CSMD3: variants seen among roughly 807,000 people sequenced by gnomAD.
The protein encoded by CSMD3 is CUB and Sushi multiple domains 3.
In CSMD3, 177 loss-of-function variants were observed where a neutral mutation model predicts 435.2. The observed-to-expected ratio is 0.41, with a 90% CI of 0.36 to 0.46. The LOEUF (loss-of-function observed/expected upper bound fraction) is 0.46. CSMD3 is among the 20% of genes least tolerant of loss of function. CSMD3 has a pLI of 0.34. For synonymous variants in CSMD3, 1,656 were observed against 1,520.5 expected (o/e 1.09, Z -2.07); for missense variants, 4,265 against 4,504.6 (o/e 0.95, Z 1.52).
chr8:113,103,822 A>C (rs2090397529), intron 4 of CSMD3, among the ~76,000 whole-genome samples: 1 of 152,138 alleles, frequency 6.6e-6, no homozygotes, highest in Admixed American at 6.5e-5. Flanking sequence ...GATTAGTTGT[A>C]TTAAAGTGAA....
intron 1 of CSMD3, among the ~76,000 whole-genome samples, chr8:113,411,002 A>G (rs908661398): frequency 6.6e-6 from 1 of 151,678 alleles, no homozygotes; most frequent in African/African-American, 2.4e-5. Flanking sequence ...GAAAGAAAGA[A>G]AGAAAAGAAA....
chr8:112,962,851 G>C (rs939446001), intron 7 of CSMD3, among the ~76,000 whole-genome samples: 1 of 151,898 alleles, frequency 6.6e-6, no homozygotes, highest in African/African-American at 2.4e-5. Flanking sequence ...GATCTGAATG[G>C]CTACATCCTT....
chr8:112,373,649 A>C (rs1227467553), intron 38 of CSMD3, among the ~76,000 whole-genome samples: 1 of 152,186 alleles, frequency 6.6e-6, no homozygotes, highest in African/African-American at 2.4e-5. Context: ...GTATCTAGTT[A>C]TTAAAATCTG....
At chr8:112,510,673 T>A (rs181297885) in intron 28 of CSMD3, among the ~76,000 whole-genome samples, 1 of 152,190 alleles carries the variant, frequency 6.6e-6, no homozygotes. Context: ...ATTACTAATA[T>A]GTAATATTAA....
intron 54 of CSMD3, among the ~76,000 whole-genome samples, chr8:112,295,084 A>G (rs1489908172): frequency 1.3e-5 from 2 of 152,132 alleles, no homozygotes; most frequent in Non-Finnish European, 2.9e-5. Flanking sequence ...CCCAGAGTTC[A>G]TGATATCATT....
intron 65 of CSMD3, among the ~76,000 whole-genome samples, chr8:112,243,844 G>T (rs1279343017): frequency 6.6e-6 from 1 of 152,032 alleles, no homozygotes; most frequent in African/African-American, 2.4e-5. Context: ...ACAAGGACTG[G>T]TATCCTCATA....
At chr8:113,218,410 T>C (rs77427754) in intron 3 of CSMD3, among the ~76,000 whole-genome samples, 3,591 of 150,214 alleles carry the variant, frequency 0.024, 70 homozygotes, top group Non-Finnish European at 0.038. Context: ...ACAAAGCAAT[T>C]ATTTTTGTTC....
chr8:112,472,476 T>C (rs1818618627), intron 32 of CSMD3, 115 bp downstream of exon 32: 3 of 733,118 alleles, frequency 4.1e-6, no homozygotes, highest in Non-Finnish European at 5.0e-6. Context: ...AAGAATTGCA[T>C]AGTAAAATAC....
intron 28 of CSMD3, 129 bp downstream of exon 28, chr8:112,516,905 G>A (rs966976245): frequency 1.3e-5 from 9 of 717,098 alleles, no homozygotes; most frequent in Non-Finnish European, 2.1e-5. Context: ...TTCTGCGGAG[G>A]TTAATAATCC....
intron 9 of CSMD3, among the ~76,000 whole-genome samples, chr8:112,944,104 T>C (rs942703685): frequency 6.6e-6 from 1 of 151,650 alleles, no homozygotes; most frequent in South Asian, 2.1e-4. Context: ...TCTCCCACTC[T>C]TGGTAAAAAA....
chr8:113,279,794 A>G (rs183093344), intron 2 of CSMD3, among the ~76,000 whole-genome samples: 1 of 151,844 alleles, frequency 6.6e-6, no homozygotes, highest in Non-Finnish European at 1.5e-5. Context: ...TTATGAGTCT[A>G]ATTAGTTTTT....
chr8:112,723,360 C>G lies in CSMD3; in HGVS notation c.1973-33310G>C, dbSNP rs568096914. Reference sequence around the variant, plus strand: ...GGTCAAAATAGTTCAGAACATTTCTCACAAGCATTTCCATCTATATTTGAA... The same window carrying G: ...GGTCAAAATAGTTCAGAACATTTCTGACAAGCATTTCCATCTATATTTGAA... On this transcript the variant is annotated intron_variant, in intron 13 of 70. Coordinates refer to ENST00000297405, the MANE Select transcript of CSMD3 (RefSeq NM_198123.2). 3.9e-5 allele frequency among the ~76,000 whole-genome samples: 6 copies of G among 152,232 alleles called. 1 individual carries two copies. The South Asian group carries it at 1.2e-3, about 32-fold the overall frequency.
chr8:113,113,712 C>T (rs562599859), intron 4 of CSMD3, among the ~76,000 whole-genome samples: 1 of 152,120 alleles, frequency 6.6e-6, no homozygotes, highest in Admixed American at 6.6e-5. Flanking sequence ...ATAAATTTTC[C>T]TTTTTACTTG....
In CSMD3 at chr8:113,161,937, A is replaced by T. The variant is rs540085300; in HGVS notation, c.709+11785T>A. Among the ~76,000 whole-genome samples the T allele has an allele frequency of 5.9e-5, 9 of 152,278 alleles. No individual in the cohort carries two copies. The South Asian group carries it at 1.7e-3, about 28-fold the overall frequency. On this transcript the variant is annotated intron_variant, in intron 4 of 70. Coordinates refer to ENST00000297405, the MANE Select transcript of CSMD3 (RefSeq NM_198123.2). ...ACTTATATAACTCTACACGTTATAC[A>T]TGACTAAATAACATTTGTTCCTGAA... is the stretch of plus-strand genomic sequence containing the variant.
rs36077177 is a variant in CSMD3, at chr8:113,428,204, A to ATATCTATC, written c.178+8465_178+8472dup. On this transcript the variant is annotated intron_variant, in intron 1 of 70. Coordinates refer to ENST00000297405, the MANE Select transcript of CSMD3 (RefSeq NM_198123.2). ...AGTTATGTGTTACTCCAACTGTGGG[A>ATATCTATC]TATCTATCTATCTATCTATCTATCT... is the stretch of plus-strand genomic sequence containing the variant. Among the ~76,000 whole-genome samples, 938 of 146,228 alleles carry ATATCTATC rather than the reference A, an allele frequency of 6.4e-3. 4 individuals carry two copies. Among genetic ancestry groups the ATATCTATC allele is most frequent in the East Asian group, 0.013 (63 of 4,884 alleles).
intron 6 of CSMD3, among the ~76,000 whole-genome samples, chr8:112,979,210 TG>T (rs923261983): frequency 7.9e-5 from 12 of 151,732 alleles, no homozygotes; most frequent in Admixed American, 1.3e-4. Context: ...TTCAACGTTG[TG>T]TAGAATTAAA....
chr8:112,494,114 T>G (rs1363575552), intron 30 of CSMD3, among the ~76,000 whole-genome samples: 1 of 152,118 alleles, frequency 6.6e-6, no homozygotes, highest in Non-Finnish European at 1.5e-5. Context: ...TTAATGTACT[T>G]TAGCATTTTT....
intron 5 of CSMD3, among the ~76,000 whole-genome samples, chr8:113,037,055 T>C (rs2087384902): frequency 6.6e-6 from 1 of 152,138 alleles, no homozygotes; most frequent in Non-Finnish European, 1.5e-5. Flanking sequence ...CCATGCACTA[T>C]GCAATGAAGT....
intron 13 of CSMD3, among the ~76,000 whole-genome samples, chr8:112,747,983 A>C (rs1302882186): frequency 7.0e-6 from 1 of 142,030 alleles, no homozygotes; most frequent in Admixed American, 7.0e-5. Flanking sequence ...AAAAAAAAAA[A>C]AAACAGGCAT....
Sources: gnomAD v4.1 joint callset for allele counts (sites outside exome capture counted in the v4.1 genomes callset) on GRCh38, gnomAD v4.1.1 for gene constraint, MANE v1.5 for transcripts, NCBI Gene and HGNC (gene_info 2026-07-23, HGNC 2026-07-21) for gene names.